The following RASIP1 variants were observed in gnomAD, a reference collection of about 807,000 sequenced individuals.
The protein encoded by RASIP1 is ras-interacting protein 1.
In RASIP1, 20 loss-of-function variants were observed where a neutral mutation model predicts 85.3. That is an observed-to-expected ratio of 0.23 (90% confidence interval 0.17 to 0.34). RASIP1 has a LOEUF of 0.34. Among genes scored for constraint, RASIP1 ranks in the 10% least tolerant of loss-of-function variants. RASIP1 has a pLI of 1.00. For synonymous variants in RASIP1, 617 were observed against 647.1 expected, an observed-to-expected ratio of 0.95 and a Z score of 0.71; for missense variants, 1,170 against 1,390.9, an observed-to-expected ratio of 0.84 and a Z score of 2.53.
Position 48,727,147 on chromosome 19 carries a change from CCCT to C in RASIP1, c.1880_1882del (p.Glu627del). 6.2e-7 allele frequency: 1 copy of C among 1,613,916 alleles called. No individual in the cohort carries two copies. On this transcript the variant is annotated inframe_deletion, in exon 7 of 12. Transcript: ENST00000222145. ...AGGAGTCAGGGGCACCTCGGGGACC[CCCT>C]CAGGGTGGCTTGAAAAAGAGGAAGG...
Position 48,740,585 on chromosome 19 carries a change from T to G in RASIP1, c.-69A>C. On this transcript the variant is annotated 5_prime_UTR_variant, in exon 1 of 12. Coordinates refer to ENST00000222145, the MANE Select transcript of RASIP1 (RefSeq NM_017805.3). This position sits in a 1 kb window ranked among gnomAD's most constrained non-coding sequence, Gnocchi z 5.5. Reference sequence around the variant, plus strand: ...CTGGCCTGGGTCAGTTCCACTGCTCTTGCCTCTGCCACGGCTCCCAGCACT... The same window carrying G: ...CTGGCCTGGGTCAGTTCCACTGCTCGTGCCTCTGCCACGGCTCCCAGCACT... The G allele has an allele frequency of 7.2e-7, 1 of 1,386,138 alleles. No individual in the cohort carries two copies. Among genetic ancestry groups the G allele is most frequent in the East Asian group, 2.8e-5 (1 of 35,970 alleles). 85.9% of individuals were successfully genotyped at this position (1,386,138 alleles called of 1,614,324 possible).
At chr19:48,737,621 G>C (rs1044716709) in intron 3 of RASIP1, 3 of 985,368 alleles carry the variant, frequency 3.0e-6, no homozygotes, top group Non-Finnish European at 3.6e-6. Context: ...CTAGGAACCT[G>C]TATTCACTCA....
At chr19:48,721,071 T>C (rs896933804) in intron 11 of RASIP1, 74 bp from the exon 12 acceptor site, 1 of 1,293,394 alleles carries the variant, frequency 7.7e-7, no homozygotes, top group Non-Finnish European at 1.0e-6. Context: ...GAGCCGAGGC[T>C]GCGTCACACC....
intron 3 of RASIP1, among the ~76,000 whole-genome samples, chr19:48,736,688 G>A (rs922146692): frequency 7.9e-5 from 12 of 152,168 alleles, no homozygotes; most frequent in African/African-American, 2.9e-4. Flanking sequence ...AGATATGGGA[G>A]GGTGGAAACC....
intron 4 of RASIP1, among the ~76,000 whole-genome samples, chr19:48,734,492 T>C (rs77855303): frequency 0.032 from 1,620 of 51,348 alleles, 49 homozygotes; most frequent in East Asian, 0.23. Flanking sequence ...TTTTCTTTCT[T>C]TTTTTTTTTT....
At chr19:48,727,271 A>G (rs965466665) in intron 6 of RASIP1, 113 bp from the exon 7 acceptor site, 2 of 1,547,548 alleles carry the variant, frequency 1.3e-6, no homozygotes, top group African/African-American at 2.7e-5. Context: ...GCGCAGCTGG[A>G]AAAGTTGAGC....
In RASIP1 at chr19:48,724,498, G is replaced by T. The variant is rs748722881; in HGVS notation, c.2383C>A (p.Pro795Thr). The T allele has an allele frequency of 5.0e-6, 8 of 1,614,036 alleles. No individual in the cohort carries two copies. The East Asian group carries it at 1.8e-4, about 36-fold the overall frequency. Residue 795 changes from proline to threonine, a missense_variant, in exon 10 of 12, where the codon CCT becomes ACT. Coordinates refer to ENST00000222145, the MANE Select transcript of RASIP1 (RefSeq NM_017805.3). This position sits in a 1 kb window ranked among gnomAD's most constrained non-coding sequence, Gnocchi z 4.6. Reference sequence around the variant, plus strand: ...ACAGCTCGGGACCATTGATAGAAAGGCCGGCCTTGACCTGTGGGTGTTAAA... The same window carrying T: ...ACAGCTCGGGACCATTGATAGAAAGTCCGGCCTTGACCTGTGGGTGTTAAA... Reference protein sequence around the residue: ...NSLMERGQGRPFYQWSRAVQI... With the variant: ...NSLMERGQGRTFYQWSRAVQI...
chr19:48,729,449 G>A lies in RASIP1; in HGVS notation c.1321C>T (p.Arg441Cys), dbSNP rs767900976. Residue 441 changes from arginine (R) to cysteine (C), a missense_variant, in exon 5 of 12, where the codon CGC becomes TGC. This residue lies in a region of RASIP1 where 301 missense variants were observed against 294.8 expected (regional missense o/e 1.02). Coordinates refer to ENST00000222145, the MANE Select transcript of RASIP1 (RefSeq NM_017805.3). ...PDILPRHCTVRAGPEHPAMVR... is the reference protein window; with the variant it reads ...PDILPRHCTVCAGPEHPAMVR... ...ATGGCCGGGTGCTCAGGGCCCGCGC[G>A]CACTGTGCAGTGACGCGGCAGGATG... 3.8e-6 allele frequency: 6 copies of A among 1,567,902 alleles called. No individual in the cohort carries two copies. In the African/African-American group the frequency reaches 6.8e-5, roughly 18 times the overall value.
At position 48,723,803 on chromosome 19, in the gene RASIP1, C is replaced by CTT. The variant is rs34173404; in HGVS notation, c.2544+532_2544+533dup. Among the ~76,000 whole-genome samples the CTT allele has an allele frequency of 1.6e-3, 209 of 127,018 alleles. 7 individuals carry two copies. The highest frequency in any genetic ancestry group is 2.0e-3 in the Non-Finnish European group (119 of 60,968). The allele number at this position is 127,018 out of a possible 152,430, so 83.3% of individuals were successfully genotyped here. Reference sequence around the variant, plus strand: ...ATGTCTGAGTGAGGGACCCTGGAAACTTTTTTTTTTTTTTTTTTTCTGGAG... The same window carrying CTT: ...ATGTCTGAGTGAGGGACCCTGGAAACTTTTTTTTTTTTTTTTTTTTTCTGGAG... On this transcript the variant is annotated intron_variant, in intron 10 of 11. Coordinates refer to ENST00000222145, the MANE Select transcript of RASIP1 (RefSeq NM_017805.3).
At position 48,739,444 on chromosome 19, in the gene RASIP1, C is replaced by G. The variant is rs934829892; in HGVS notation, c.339G>C (p.Gly113=). 2 of 1,454,706 alleles carry G rather than the reference C, an allele frequency of 1.4e-6. No individual in the cohort carries two copies. Among genetic ancestry groups the G allele is most frequent in the Non-Finnish European group, 1.8e-6 (2 of 1,109,164 alleles). The allele number at this position is 1,454,706 out of a possible 1,614,324, so 90.1% of individuals were successfully genotyped here. A position where few individuals can be genotyped will look rare whatever the true frequency, so the allele number is the denominator to read the frequency against. Residue 113 remains glycine, a synonymous_variant, in exon 3 of 12, where the codon GGG becomes GGC. Coordinates refer to ENST00000222145, the MANE Select transcript of RASIP1 (RefSeq NM_017805.3). This position sits in a 1 kb window ranked among gnomAD's most constrained non-coding sequence, Gnocchi z 9.2. ...SSGAGGPGTP[G]GAQRWASEKK... is the part of the protein sequence containing the mutation. ...TCTCGCTGGCCCAGCGCTGCGCGCCCCCCGGGGTCCCAGGGCCTCCTGCGC... is the reference window on the plus strand; with the variant it reads ...TCTCGCTGGCCCAGCGCTGCGCGCCGCCCGGGGTCCCAGGGCCTCCTGCGC...
chr19:48,738,175 C>T lies in RASIP1; in HGVS notation c.823+785G>A, dbSNP rs1024347707. ...GGCCAGACTGGTCTCGAACTCCCAA[C>T]CTCAGGTGATCCGCCCGCCTCAGCC... On this transcript the variant is annotated intron_variant, in intron 3 of 11. Coordinates refer to ENST00000222145, the MANE Select transcript of RASIP1 (RefSeq NM_017805.3). The surrounding 1 kb of genome is among the most constrained non-coding windows in gnomAD (Gnocchi z 4.0). Among the ~76,000 whole-genome samples, 1 of 152,158 alleles carries T rather than the reference C, an allele frequency of 6.6e-6. No individual in the cohort carries two copies. Among genetic ancestry groups the T allele is most frequent in the Non-Finnish European group, 1.5e-5 (1 of 68,038 alleles).
At chr19:48,730,438 A>C (rs1464251856) in intron 4 of RASIP1, among the ~76,000 whole-genome samples, 2 of 152,148 alleles carry the variant, frequency 1.3e-5, no homozygotes, top group Non-Finnish European at 2.9e-5. Context: ...CTGGGATTAC[A>C]GGTGTGAGCC....
chr19:48,721,810 G>T lies in RASIP1; in HGVS notation c.2692+44C>A. The stretch of plus-strand genomic sequence containing the variant: ...AGGGCGAGACTCCGTCTCAAAAGAA[G>T]AAGAAAGCTGACAGCCCCAATGCTG... On this transcript the variant is annotated intron_variant, in intron 11 of 11. Coordinates refer to ENST00000222145, the MANE Select transcript of RASIP1 (RefSeq NM_017805.3). 4 of 1,554,998 alleles carry T rather than the reference G, an allele frequency of 2.6e-6. No homozygotes were observed. In the South Asian group the frequency reaches 3.5e-5, roughly 14 times the overall value.
chr19:48,730,650 T>C (rs2033439263), intron 4 of RASIP1, among the ~76,000 whole-genome samples: 2 of 152,138 alleles, frequency 1.3e-5, no homozygotes, highest in Non-Finnish European at 1.5e-5. Flanking sequence ...CACCCCACCA[T>C]GGTAAAGGCT....
rs1310433794 is a variant in RASIP1, at chr19:48,738,971, G to A, written c.812C>T (p.Ala271Val). Residue 271 changes from alanine to valine, a missense_variant, in exon 3 of 12, where the codon GCG becomes GTG. Physicochemically the swap from Ala to Val is moderately conservative, Grantham distance 64 (BLOSUM62 0). Coordinates refer to ENST00000222145, the MANE Select transcript of RASIP1 (RefSeq NM_017805.3). This position sits in a 1 kb window ranked among gnomAD's most constrained non-coding sequence, Gnocchi z 4.0. ...CGCCCGCCGCTCACCTTCGCTGTCCGCGGCCCCGAAGGCCTCCTGCTCCAG... is the reference window on the plus strand; with the variant it reads ...CGCCCGCCGCTCACCTTCGCTGTCCACGGCCCCGAAGGCCTCCTGCTCCAG... ...RRLEQEAFGA[A>V]DSEGTGAPSW... 6.8e-6 allele frequency: 8 copies of A among 1,177,690 alleles called. No homozygotes were observed. The highest frequency in any genetic ancestry group is 6.8e-4 in the Middle Eastern group (2 of 2,932). The allele number at this position is 1,177,690 out of a possible 1,614,324, so 73.0% of individuals were successfully genotyped here. A position where few individuals can be genotyped will look rare whatever the true frequency, so the allele number is the denominator to read the frequency against.
rs1440585121 is a variant in RASIP1, at chr19:48,720,843, C to G, written c.2847G>C (p.Leu949=). The G allele has an allele frequency of 6.2e-7, 1 of 1,614,026 alleles. No homozygotes were observed. Among genetic ancestry groups the G allele is most frequent in the East Asian group, 2.2e-5 (1 of 44,868 alleles). The change falls in exon 12 of 12, where the codon CTG becomes CTC. Residue 949 remains leucine (L), a synonymous_variant. Transcript: ENST00000222145. The part of the protein sequence containing the change: ...RLLWDLEQQE[L]PANYRHGPPV... ...GAGGCCCATGGCGATAATTGGCTGG[C>G]AGCTCCTGCTGCTCAAGATCCCAGA...
intron 3 of RASIP1, among the ~76,000 whole-genome samples, chr19:48,735,948 A>G (rs1281814470): frequency 6.6e-6 from 1 of 151,722 alleles, no homozygotes; most frequent in Non-Finnish European, 1.5e-5. Context: ...GGCGCGCACC[A>G]CAACGCCCGG....
At position 48,729,377 on chromosome 19, in the gene RASIP1, G is replaced by T. The variant is rs777289532; in HGVS notation, c.1393C>A (p.Leu465Met). 1.2e-5 allele frequency: 18 copies of T among 1,556,828 alleles called. No homozygotes were observed. Among genetic ancestry groups the T allele is most frequent in the Non-Finnish European group, 1.5e-5 (17 of 1,150,784 alleles). Residue 465 changes from leucine (L) to methionine (M), a missense_variant, in exon 5 of 12, where the codon CTG becomes ATG. Leu to Met is a conservative substitution (Grantham distance 15). Coordinates refer to ENST00000222145, the MANE Select transcript of RASIP1 (RefSeq NM_017805.3). ...GGGTGCAGCTCAGCCTCCCGCAGCA[G>T]GAGGCACCCGTTGTGCGTGACTGGG... The part of the protein sequence containing the change: ...GAPVTHNGCL[L>M]LREAELHPGD...
At position 48,739,638 on chromosome 19, in the gene RASIP1, A is replaced by G. The variant is rs1021802556; in HGVS notation, c.145T>C (p.Ser49Pro). 5 of 1,423,840 alleles carry G rather than the reference A, an allele frequency of 3.5e-6. No homozygotes were observed. The African/African-American group carries it at 7.4e-5, about 21-fold the overall frequency. 88.2% of individuals were successfully genotyped at this position (1,423,840 alleles called of 1,614,324 possible). ...CTGCTGCGGCTCCCCGTGTCCGACG[A>G]AGAAGACCTGGGAGTCCGCCGGGGA... ...WPSAASVKSS[S>P]SDTGSRSSEP... Residue 49 changes from serine to proline, a missense_variant, in exon 3 of 12, where the codon TCG becomes CCG. Transcript: ENST00000222145. The surrounding 1 kb of genome is among the most constrained non-coding windows in gnomAD (Gnocchi z 9.2).
Sources: gnomAD v4.1 joint callset for allele counts (sites outside exome capture counted in the v4.1 genomes callset) on GRCh38, gnomAD v4.1.1 for gene constraint, gnomAD v4.1.1 regional missense constraint, Gnocchi (gnomAD v3.1) non-coding constraint, MANE v1.5 for transcripts, NCBI Gene and HGNC (gene_info 2026-07-23, HGNC 2026-07-21) for gene names.